The following MGAT3 variants were observed in gnomAD, a reference collection of about 807,000 sequenced individuals.
MGAT3 encodes the protein beta-1,4-mannosyl-glycoprotein 4-beta-N-acetylglucosaminyltransferase, also known as GlcNAc-T III.
MGAT3 carries 9 observed loss-of-function variants against 29.8 expected under a neutral mutation model. The observed-to-expected ratio is 0.30, with a 90% CI of 0.18 to 0.53. MGAT3 has a LOEUF of 0.53. MGAT3 is among the 20% of genes least tolerant of loss of function. The pLI is 0.96. For synonymous variants in MGAT3, 397 were observed against 348.9 expected, an observed-to-expected ratio of 1.14 and a Z score of -1.54; for missense variants, 557 against 769.5, an observed-to-expected ratio of 0.72 and a Z score of 3.27.
intron 1 of MGAT3, among the ~76,000 whole-genome samples, chr22:39,465,951 A>G (rs1445380680): frequency 6.6e-6 from 1 of 151,794 alleles, no homozygotes; most frequent in Non-Finnish European, 1.5e-5. Context: ...AAAAAAAAGA[A>G]AAGAAAAAAG....
At chr22:39,479,839 G>A (rs550874320) in intron 1 of MGAT3, among the ~76,000 whole-genome samples, 3 of 152,320 alleles carry the variant, frequency 2.0e-5, no homozygotes, top group African/African-American at 7.2e-5. Context: ...GCAGTGCGGG[G>A]TGATCTCATT....
At chr22:39,464,834 T>C (rs1007075771) in intron 1 of MGAT3, among the ~76,000 whole-genome samples, 4 of 151,838 alleles carry the variant, frequency 2.6e-5, no homozygotes, top group African/African-American at 9.7e-5. Context: ...CACTGTAAGC[T>C]CTGCCTCCCA....
intron 1 of MGAT3, among the ~76,000 whole-genome samples, chr22:39,484,774 G>A (rs534781859): frequency 1.1e-3 from 173 of 152,136 alleles, no homozygotes; most frequent in Non-Finnish European, 2.1e-3. Flanking sequence ...AAGCTGAGGC[G>A]GGCAGATCAC....
At chr22:39,461,458 A>G (rs1188905527) in intron 1 of MGAT3, among the ~76,000 whole-genome samples, 1 of 152,098 alleles carries the variant, frequency 6.6e-6, no homozygotes, top group Non-Finnish European at 1.5e-5. Context: ...CACTTGCACT[A>G]ACCCCTCCTT....
chr22:39,465,615 A>G (rs1928620845), intron 1 of MGAT3, among the ~76,000 whole-genome samples: 2 of 152,134 alleles, frequency 1.3e-5, no homozygotes, highest in Non-Finnish European at 2.9e-5. Context: ...TAGTGAAATG[A>G]GGTTTATTTT....
chr22:39,483,954 G>T (rs550602102), intron 1 of MGAT3, among the ~76,000 whole-genome samples: 1 of 152,298 alleles, frequency 6.6e-6, no homozygotes, highest in Non-Finnish European at 1.5e-5. Context: ...CTCGAATGGG[G>T]CAAACGCTGC....
Position 39,482,564 on chromosome 22 carries a change from G to A in MGAT3, c.-1-4783G>A, listed in dbSNP as rs147778595. 3.8e-3 allele frequency among the ~76,000 whole-genome samples: 584 copies of A among 152,324 alleles called. 3 individuals carry two copies. The highest frequency in any genetic ancestry group is 0.014 in the African/African-American group (571 of 41,572). On this transcript the variant is annotated intron_variant, in intron 1 of 1. Transcript: ENST00000341184. The stretch of plus-strand genomic sequence containing the variant: ...AGGGCAGTTTAAATAACCTACCAGA[G>A]TGCCTGTGAGATTTAAATGAGACCC...
Position 39,487,552 on chromosome 22 carries a change from C to G in MGAT3, c.205C>G (p.Leu69Val). 1.2e-6 allele frequency: 2 copies of G among 1,612,912 alleles called. No homozygotes were observed. Among genetic ancestry groups the G allele is most frequent in the Middle Eastern group, 1.6e-4 (1 of 6,062 alleles). ...CAGCCCCGAGCCAGGAGGCCCTGAC[C>G]TGCTGCGTACCCCACTCTACTCCCA... The part of the protein sequence containing the change: ...QASPEPGGPD[L>V]LRTPLYSHSP... Residue 69 changes from leucine (L) to valine (V), a missense_variant, in exon 2 of 2, where the codon CTG becomes GTG. By Grantham distance (32) the Leu-to-Val change is conservative. Around this residue, in one of 3 missense-constraint regions of MGAT3, gnomAD observed 212 missense variants for 228.5 expected, o/e 0.93. Transcript: ENST00000341184. The surrounding 1 kb of genome is among the most constrained non-coding windows in gnomAD (Gnocchi z 5.7).
chr22:39,469,983 C>T (rs1271286494), intron 1 of MGAT3, among the ~76,000 whole-genome samples: 1 of 152,236 alleles, frequency 6.6e-6, no homozygotes, highest in Non-Finnish European at 1.5e-5. Context: ...ATTTGTCCCT[C>T]CAAGTCTGTT....
chr22:39,458,959 G>A (rs1601715496), intron 1 of MGAT3, among the ~76,000 whole-genome samples: 2 of 152,210 alleles, frequency 1.3e-5, no homozygotes, highest in African/African-American at 4.8e-5. Context: ...GCCAAGACCT[G>A]GCTGGGGGGA....
At chr22:39,475,131 T>G (rs1192512723) in intron 1 of MGAT3, among the ~76,000 whole-genome samples, 1 of 62,534 alleles carries the variant, frequency 1.6e-5, no homozygotes, top group Middle Eastern at 0.012. Flanking sequence ...TGCCAGGCTT[T>G]TTTTTTTTTT....
intron 1 of MGAT3, among the ~76,000 whole-genome samples, chr22:39,474,189 CTCACATGG>C (rs1240445851): frequency 1.3e-5 from 2 of 152,114 alleles, no homozygotes; most frequent in African/African-American, 4.8e-5. Flanking sequence ...CACCGGGGTG[CTCACATGG>C]TTTCAGGCTG....
chr22:39,464,784 TC>T (rs1423963188), intron 1 of MGAT3, among the ~76,000 whole-genome samples: 1 of 151,508 alleles, frequency 6.6e-6, no homozygotes, highest in East Asian at 2.0e-4. Context: ...AGAGTCTTGC[TC>T]TGTTGCCCAG....
intron 1 of MGAT3, among the ~76,000 whole-genome samples, chr22:39,471,442 C>G (rs1429742714): frequency 6.6e-6 from 1 of 152,122 alleles, no homozygotes; most frequent in East Asian, 1.9e-4. Context: ...TAACCTGAAG[C>G]TTTGTTAATA....
chr22:39,488,150 A>AG lies in MGAT3; in HGVS notation c.805dup (p.Val269GlyfsTer48). On this transcript the variant is annotated frameshift_variant, in exon 2 of 2. Transcript: ENST00000341184. LOFTEE classifies it high-confidence loss of function. Reference sequence around the variant, plus strand: ...GGCACCTTCGAGTACATCCGCCACAAGGTGCTCTATGTCTTCCTGGACCAC... The same window carrying AG: ...GGCACCTTCGAGTACATCCGCCACAAGGGTGCTCTATGTCTTCCTGGACCAC... 1 of 1,612,786 alleles carries AG rather than the reference A, an allele frequency of 6.2e-7. No individual in the cohort carries two copies.
At chr22:39,466,502 T>C (rs1031918992) in intron 1 of MGAT3, among the ~76,000 whole-genome samples, 4 of 152,176 alleles carry the variant, frequency 2.6e-5, no homozygotes, top group African/African-American at 7.2e-5. Flanking sequence ...TCCCCCATGC[T>C]CCAGCCTCTT....
rs747945527 is a variant in MGAT3, at chr22:39,465,931, TA to T, written c.-2+8391del. The stretch of plus-strand genomic sequence containing the variant: ...TGGGTGACAGAGTGAGACTCCGTCT[TA>T]AAAAAAAAAAAAAAAAGAAAAGAAA... On this transcript the variant is annotated intron_variant, in intron 1 of 1. Transcript: ENST00000341184. 7.0e-3 allele frequency among the ~76,000 whole-genome samples: 819 copies of T among 117,588 alleles called. 5 individuals carry two copies. Among genetic ancestry groups the T allele is most frequent in the African/African-American group, 0.016 (520 of 31,714 alleles). 77.1% of individuals were successfully genotyped at this position (117,588 alleles called of 152,430 possible).
At chr22:39,484,414 C>G (rs1184913989) in intron 1 of MGAT3, among the ~76,000 whole-genome samples, 1 of 151,974 alleles carries the variant, frequency 6.6e-6, no homozygotes, top group Non-Finnish European at 1.5e-5. Flanking sequence ...ACTCTGTTGC[C>G]CAGGTTGGAG....
intron 1 of MGAT3, among the ~76,000 whole-genome samples, chr22:39,463,941 T>C (rs940166915): frequency 6.6e-6 from 1 of 151,468 alleles, no homozygotes; most frequent in African/African-American, 2.4e-5. Context: ...TAAAAAATGC[T>C]GCCCTGAGGA....
Sources: gnomAD v4.1 joint callset for allele counts (sites outside exome capture counted in the v4.1 genomes callset) on GRCh38, gnomAD v4.1.1 for gene constraint, gnomAD v4.1.1 regional missense constraint, Gnocchi (gnomAD v3.1) non-coding constraint, MANE v1.5 for transcripts, NCBI Gene and HGNC (gene_info 2026-07-23, HGNC 2026-07-21) for gene names.